Variants in IGSF11 observed in about 807,000 individuals in gnomAD.
The protein encoded by IGSF11 is CXADR like 1.
IGSF11 carries 22 observed loss-of-function variants against 41.0 expected under a neutral mutation model. That is an observed-to-expected ratio of 0.54 (90% CI 0.38 to 0.77). The LOEUF (loss-of-function observed/expected upper bound fraction) is 0.77. IGSF11 is among the 30% of genes least tolerant of loss of function. The pLI, the probability that IGSF11 is intolerant of heterozygous loss-of-function variation, is 0.00. For missense variants in IGSF11, 444 were observed against 530.8 expected (o/e 0.84, Z 1.61); for synonymous variants, 219 against 201.3 (o/e 1.09, Z -0.74).
chr3:118,957,182 T>C (rs1015695988), intron 1 of IGSF11, among the ~76,000 whole-genome samples: 2 of 152,076 alleles, frequency 1.3e-5, no homozygotes, highest in Non-Finnish European at 2.9e-5. Context: ...GAAAAAAAGG[T>C]GAATTCCTCC....
chr3:119,055,105 G>A (rs1941775214), intron 1 of IGSF11, among the ~76,000 whole-genome samples: 1 of 152,316 alleles, frequency 6.6e-6, no homozygotes, highest in East Asian at 1.9e-4. Flanking sequence ...CAACAGACCT[G>A]CAGCTGAGGG....
chr3:119,136,375 G>T (rs2077562258), intron 1 of IGSF11, among the ~76,000 whole-genome samples: 2 of 152,042 alleles, frequency 1.3e-5, no homozygotes, highest in Non-Finnish European at 2.9e-5. Context: ...GACATACAGT[G>T]GCTGAATGAA....
At chr3:119,063,326 G>A (rs919648075) in intron 1 of IGSF11, among the ~76,000 whole-genome samples, 1 of 152,194 alleles carries the variant, frequency 6.6e-6, no homozygotes, top group African/African-American at 2.4e-5. Flanking sequence ...GGGTTGGCTA[G>A]GCAAAGGGAA....
At chr3:119,072,466 C>T (rs1225846091) in intron 1 of IGSF11, among the ~76,000 whole-genome samples, 4 of 152,294 alleles carry the variant, frequency 2.6e-5, no homozygotes, top group South Asian at 2.1e-4. Flanking sequence ...AATGAAGCCG[C>T]GGACCCTCGC....
chr3:118,996,800 C>T lies in IGSF11; in HGVS notation c.52+37731G>A, dbSNP rs368860264. Among the ~76,000 whole-genome samples, 80 of 152,002 alleles carry T rather than the reference C, an allele frequency of 5.3e-4. 1 individual carries two copies. The highest frequency in any genetic ancestry group is 1.8e-3 in the African/African-American group (75 of 41,450). On this transcript the variant is annotated intron_variant, in intron 1 of 6. Transcript: ENST00000393775. The stretch of plus-strand genomic sequence containing the variant: ...ATTTTTAGTAGAGACGGGGTTTCAC[C>T]GTGTAAGCCAGGGTGATCTCGATCT...
intron 1 of IGSF11, among the ~76,000 whole-genome samples, chr3:119,032,571 G>T (rs1256043274): frequency 6.6e-6 from 1 of 152,086 alleles, no homozygotes; most frequent in Non-Finnish European, 1.5e-5. Flanking sequence ...TCCTGCTCTA[G>T]CAGCTTGGCC....
chr3:118,955,543 TCTC>T (rs1461777255), intron 1 of IGSF11, among the ~76,000 whole-genome samples: 1 of 152,066 alleles, frequency 6.6e-6, no homozygotes, highest in African/African-American at 2.4e-5. Context: ...ACAACATTAA[TCTC>T]CTTGTACAGC....
chr3:118,976,988 G>A (rs1409778214), intron 1 of IGSF11, among the ~76,000 whole-genome samples: 2 of 152,168 alleles, frequency 1.3e-5, no homozygotes, highest in African/African-American at 4.8e-5. Context: ...CTGCTCTTAG[G>A]GGTCTAAGCC....
intron 1 of IGSF11, among the ~76,000 whole-genome samples, chr3:119,139,084 G>A (rs2077603485): frequency 6.6e-6 from 1 of 151,948 alleles, no homozygotes; most frequent in African/African-American, 2.4e-5. Flanking sequence ...ACCCTTATCT[G>A]ATTATTACAC....
chr3:119,123,599 G>A (rs1426818900), intron 1 of IGSF11, among the ~76,000 whole-genome samples: 1 of 152,212 alleles, frequency 6.6e-6, no homozygotes, highest in Non-Finnish European at 1.5e-5. Context: ...AGCAGTCCCA[G>A]TGGTGATGGC....
At position 118,936,098 on chromosome 3, in the gene IGSF11, C is replaced by T. The variant is rs141565864; in HGVS notation, c.53-5823G>A. ...TGGGTGTTTTTTTGCATTTTTGATG[C>T]TAAAATTTTTTCTATCCTATTAAAA... On this transcript the variant is annotated intron_variant, in intron 1 of 6. Coordinates refer to ENST00000393775, the MANE Select transcript of IGSF11 (RefSeq NM_001015887.3). Among the ~76,000 whole-genome samples, 511 of 151,958 alleles carry T rather than the reference C, an allele frequency of 3.4e-3. 3 individuals are homozygous for T. The highest frequency in any genetic ancestry group is 0.011 in the African/African-American group (458 of 41,440).
chr3:119,144,703 A>T (rs72953094), intron 1 of IGSF11, among the ~76,000 whole-genome samples: 12,120 of 152,262 alleles, frequency 0.08, 640 homozygotes, highest in Admixed American at 0.16. Context: ...AAAAGATCTC[A>T]AATTGATAAA....
At chr3:119,138,663 C>A (rs1448874892) in intron 1 of IGSF11, among the ~76,000 whole-genome samples, 1 of 151,936 alleles carries the variant, frequency 6.6e-6, no homozygotes, top group Admixed American at 6.6e-5. Context: ...ACAGCCTGGG[C>A]AACATAGCAA....
At chr3:118,940,863 T>C (rs1270887027) in intron 1 of IGSF11, among the ~76,000 whole-genome samples, 3 of 149,968 alleles carry the variant, frequency 2.0e-5, no homozygotes, top group South Asian at 2.1e-4. Flanking sequence ...AAAAGTTTAC[T>C]CTTTTTGAAA....
chr3:118,993,855 G>T (rs949620896), intron 1 of IGSF11, among the ~76,000 whole-genome samples: 1 of 152,160 alleles, frequency 6.6e-6, no homozygotes, highest in East Asian at 1.9e-4. Flanking sequence ...GACTGAGAGA[G>T]GGTGCAAGGG....
At chr3:118,948,929 G>T (rs1273244044) in intron 1 of IGSF11, among the ~76,000 whole-genome samples, 2 of 146,318 alleles carry the variant, frequency 1.4e-5, no homozygotes, top group Non-Finnish European at 3.0e-5. Context: ...CCGAGATCGC[G>T]CCACTGCCCT....
At chr3:119,108,261 C>T (rs2077072459), upstream of IGSF11, among the ~76,000 whole-genome samples, 1 of 149,688 alleles carries the variant, frequency 6.7e-6, no homozygotes, top group African/African-American at 2.5e-5. Flanking sequence ...TCTTTTATTT[C>T]CTTGAGCAGT....
chr3:118,945,086 T>C (rs888202979), intron 1 of IGSF11: 1 of 152,230 alleles, frequency 6.6e-6, no homozygotes, highest in Non-Finnish European at 1.5e-5. Flanking sequence ...TAAAAATATC[T>C]GCCTCACAAA....
intron 1 of IGSF11, among the ~76,000 whole-genome samples, chr3:119,083,124 T>C (rs928951598): frequency 1.9e-5 from 2 of 107,392 alleles, no homozygotes; most frequent in Non-Finnish European, 3.7e-5. Flanking sequence ...TTTTTCTTTT[T>C]TCTTTTTTTT....
Sources: allele counts gnomAD v4.1 joint callset (sites outside exome capture counted in the v4.1 genomes callset), GRCh38; gene constraint gnomAD v4.1.1; transcripts MANE v1.5; gene names NCBI Gene and HGNC (gene_info 2026-07-23, HGNC 2026-07-21).